The following TENM1 variants were observed in gnomAD, a reference collection of about 807,000 sequenced individuals.
TENM1 encodes teneurin transmembrane protein 1.
TENM1 carries 35 observed loss-of-function variants against 174.8 expected under a neutral mutation model. The observed-to-expected ratio is 0.20, with a 90% CI of 0.15 to 0.27. TENM1 has a LOEUF of 0.27. TENM1 is among the 10% of genes least tolerant of loss of function. The pLI is 1.00. For missense variants in TENM1, 1,633 were observed against 2,130.1 expected, an observed-to-expected ratio of 0.77 and a Z score of 4.59; for synonymous variants, 781 against 798.7, an observed-to-expected ratio of 0.98 and a Z score of 0.37.
chrX:125,118,241 G>C, the TENM1 span, among the ~76,000 whole-genome samples: 1 of 111,090 alleles, frequency 9.0e-6, no homozygotes, highest in African/African-American at 3.3e-5. Flanking sequence ...TGAGCGGGGA[G>C]TGAGGGCTGA....
chrX:124,465,932 A>G (rs1032875521), intron 22 of TENM1, among the ~76,000 whole-genome samples: 3 of 111,742 alleles, frequency 2.7e-5, no homozygotes, highest in Admixed American at 9.6e-5. Flanking sequence ...TAACAAAACA[A>G]TAAAGCTCAG....
chrX:124,547,266 CATG>C (rs1321548731), intron 14 of TENM1, among the ~76,000 whole-genome samples, 176 bp from the exon 18 acceptor site: 1 of 112,443 alleles, frequency 8.9e-6, no homozygotes, highest in Non-Finnish European at 1.9e-5. Context: ...TCTGAGTTCA[CATG>C]GCACCTCAGA....
the TENM1 span, among the ~76,000 whole-genome samples, chrX:124,990,995 TTTTAACC>T: frequency 9.0e-6 from 1 of 111,311 alleles, no homozygotes; most frequent in Non-Finnish European, 1.9e-5. Flanking sequence ...ATAAATTAAT[TTTTAACC>T]TTACTCAGAG....
chrX:125,199,994 G>A, the TENM1 span, among the ~76,000 whole-genome samples: 73 of 111,189 alleles, frequency 6.6e-4, no homozygotes, highest in Non-Finnish European at 1.2e-3. Context: ...TATATAAATT[G>A]CCATAACAGA....
the TENM1 span, among the ~76,000 whole-genome samples, chrX:125,123,184 C>T: frequency 3.8e-4 from 42 of 111,567 alleles, no homozygotes; most frequent in African/African-American, 1.3e-3. Flanking sequence ...ATATCTTTAA[C>T]GGTCCTTACA....
the TENM1 span, among the ~76,000 whole-genome samples, chrX:125,092,624 T>C: frequency 8.9e-6 from 1 of 111,835 alleles, no homozygotes; most frequent in South Asian, 3.7e-4. Context: ...GTGAGTAAAG[T>C]AGGAATTTGT....
At chrX:124,778,680 T>A (rs994835870) in intron 3 of TENM1, among the ~76,000 whole-genome samples, 2 of 112,220 alleles carry the variant, frequency 1.8e-5, no homozygotes, top group Non-Finnish European at 3.8e-5. Flanking sequence ...GTAAATCATA[T>A]GCAACTCAAT....
intron 16 of TENM1, among the ~76,000 whole-genome samples, chrX:124,525,581 T>C (rs1387610939): frequency 8.9e-6 from 1 of 111,941 alleles, no homozygotes; most frequent in East Asian, 2.8e-4. Flanking sequence ...GATAAAAACA[T>C]AGGTGCCTGG....
At chrX:124,858,653 C>T (rs2056856167) in intron 3 of TENM1, among the ~76,000 whole-genome samples, 2 of 111,737 alleles carry the variant, frequency 1.8e-5, no homozygotes, top group Admixed American at 1.9e-4. Context: ...CCTTACATTC[C>T]CCTTATCTTC....
chrX:124,636,669 G>C (rs1162970340), intron 11 of TENM1, among the ~76,000 whole-genome samples: 1 of 112,069 alleles, frequency 8.9e-6, no homozygotes, highest in Admixed American at 9.5e-5. Context: ...GGGCTGAAAA[G>C]AATGCTAGAC....
the TENM1 span, among the ~76,000 whole-genome samples, chrX:125,165,498 G>C: frequency 8.9e-6 from 1 of 111,782 alleles, no homozygotes; most frequent in South Asian, 3.7e-4. Flanking sequence ...GCATCACAAT[G>C]ACAGGTAATG....
chrX:124,609,386 T>C (rs1221833573), intron 11 of TENM1, among the ~76,000 whole-genome samples: 1 of 111,624 alleles, frequency 9.0e-6, no homozygotes, highest in Non-Finnish European at 1.9e-5. Context: ...CTTGAACCCA[T>C]GCTGCTTTTT....
intron 23 of TENM1, among the ~76,000 whole-genome samples, chrX:124,425,913 G>A (rs902019215): frequency 9.0e-6 from 1 of 111,061 alleles, no homozygotes; most frequent in African/African-American, 3.3e-5. Flanking sequence ...GGATTATGGT[G>A]CCTGAACTGG....
chrX:125,178,831 G>T, the TENM1 span, among the ~76,000 whole-genome samples: 1 of 110,931 alleles, frequency 9.0e-6, no homozygotes, highest in African/African-American at 3.3e-5. Flanking sequence ...ATCTAGCCTG[G>T]CATGGTGGCT....
chrX:124,589,095 GTT>G (rs56268014), intron 11 of TENM1, among the ~76,000 whole-genome samples: 19 of 96,961 alleles, frequency 2.0e-4, no homozygotes, highest in African/African-American at 7.1e-4. Flanking sequence ...TTTCTTGAGG[GTT>G]TTTTTTTTTT....
In TENM1 at chrX:124,481,713, T is replaced by TATATATATATA. The variant is rs67614153; in HGVS notation, c.3949+18_3949+19insTATATATATAT. The TATATATATATA allele has an allele frequency of 0.012, 2,435 of 203,447 alleles. 18 individuals are homozygous for TATATATATATA. The highest frequency in any genetic ancestry group is 0.028 in the African/African-American group (400 of 14,099). 16.8% of individuals were successfully genotyped at this position (203,447 alleles called of 1,213,427 possible). On this transcript the variant is annotated intron_variant, in intron 22 of 31. Coordinates refer to ENST00000422452, the Ensembl canonical transcript of TENM1. The stretch of plus-strand genomic sequence containing the variant: ...CCCAAGGGTATATATATATATATAT[T>TATATATATATA]TATTTATTTATTTTTTACCTCGAGG...
chrX:124,492,478 G>A (rs2047090092), intron 20 of TENM1, among the ~76,000 whole-genome samples: 1 of 109,193 alleles, frequency 9.2e-6, no homozygotes, highest in Non-Finnish European at 1.9e-5. Context: ...TACACATATA[G>A]GCAACTGATC....
At chrX:124,765,924 G>C (rs926891075) in intron 3 of TENM1, among the ~76,000 whole-genome samples, 1 of 111,670 alleles carries the variant, frequency 9.0e-6, no homozygotes, top group African/African-American at 3.2e-5. Flanking sequence ...ACTAGATACC[G>C]TCACGGAAAT....
chrX:124,782,905 G>A (rs751788481), intron 3 of TENM1, among the ~76,000 whole-genome samples: 2 of 111,030 alleles, frequency 1.8e-5, no homozygotes, highest in African/African-American at 6.5e-5. Flanking sequence ...TTCATTTTTA[G>A]TTTCACAATG....
Sources: allele counts gnomAD v4.1 joint callset (sites outside exome capture counted in the v4.1 genomes callset), GRCh38; gene constraint gnomAD v4.1.1; transcripts MANE v1.5; gene names NCBI Gene and HGNC (gene_info 2026-07-23, HGNC 2026-07-21).